Variants in TRPM3 observed in about 807,000 individuals in gnomAD.
TRPM3 encodes transient receptor potential cation channel subfamily M member 3, also known as long transient receptor potential channel 3.
In TRPM3, 77 loss-of-function variants were observed where a neutral mutation model predicts 181.2. That is an observed-to-expected ratio of 0.42 (90% CI 0.35 to 0.51). The LOEUF is 0.51. TRPM3 is among the 20% of genes least tolerant of loss of function. TRPM3 has a pLI of 0.01. For synonymous variants in TRPM3, 745 were observed against 796.4 expected, an observed-to-expected ratio of 0.94 and a Z score of 1.09; for missense variants, 1,759 against 2,196.7, an observed-to-expected ratio of 0.80 and a Z score of 3.98.
chr9:71,182,312 CACACA>C (rs1174284919), intron 1 of TRPM3, among the ~76,000 whole-genome samples: 2 of 152,094 alleles, frequency 1.3e-5, no homozygotes, highest in Non-Finnish European at 2.9e-5. Context: ...ACTAGAGATG[CACACA>C]ACTCCCTCTC....
chr9:70,867,592 G>A (rs1359078226), intron 1 of TRPM3, among the ~76,000 whole-genome samples: 1 of 151,946 alleles, frequency 6.6e-6, no homozygotes, highest in Admixed American at 6.6e-5. Context: ...CAGAAAATTG[G>A]GAGGAAAACA....
chr9:70,751,958 T>A (rs2076202092), intron 8 of TRPM3, among the ~76,000 whole-genome samples: 1 of 151,238 alleles, frequency 6.6e-6, no homozygotes, highest in African/African-American at 2.4e-5. Flanking sequence ...ATGAGGAGAA[T>A]GAATCTTTAA....
chr9:71,381,597 TACATGAACGTAA>T (rs1381323054), intron 1 of TRPM3, among the ~76,000 whole-genome samples: 1 of 152,180 alleles, frequency 6.6e-6, no homozygotes, highest in Non-Finnish European at 1.5e-5. Context: ...CATGAATGTT[TACATGAACGTAA>T]ACCTATGTAG....
intron 5 of TRPM3, among the ~76,000 whole-genome samples, chr9:70,838,364 T>C (rs936229749): frequency 6.6e-6 from 1 of 152,166 alleles, no homozygotes; most frequent in African/African-American, 2.4e-5. Context: ...GCCCTATGAA[T>C]GGGATTAGGG....
intron 1 of TRPM3, among the ~76,000 whole-genome samples, chr9:70,975,648 T>A (rs941933461): frequency 2.0e-5 from 3 of 152,134 alleles, no homozygotes; most frequent in Non-Finnish European, 4.4e-5. Flanking sequence ...CAGCTACAGC[T>A]CAAAGGTTAA....
At chr9:70,600,534 T>C (rs897294549) in intron 20 of TRPM3, among the ~76,000 whole-genome samples, 1 of 151,914 alleles carries the variant, frequency 6.6e-6, no homozygotes. Flanking sequence ...TAAACTTCAG[T>C]GCACATCAGA....
rs1315314205 is a variant in TRPM3 at position 70,846,598 on chromosome 9, G to A, written c.463-7C>T. The A allele has an allele frequency of 3.1e-6, 5 of 1,612,576 alleles. No individual in the cohort carries two copies. The highest frequency in any genetic ancestry group is 4.2e-6 in the Non-Finnish European group (5 of 1,178,720). On this transcript the variant is annotated splice_region_variant and splice_polypyrimidine_tract_variant and intron_variant, in intron 3 of 25. Transcript: ENST00000677713. ...CAAAAGATACTCGCACATACTGGAA[G>A]AAGAAAGGACATCAATTAGGGAGAC...
chr9:71,401,394 G>C (rs1396833764), intron 1 of TRPM3, among the ~76,000 whole-genome samples: 3 of 152,090 alleles, frequency 2.0e-5, no homozygotes, highest in Non-Finnish European at 4.4e-5. Context: ...CATCTGAGCA[G>C]ACTATTGGAG....
chr9:70,549,088 T>A (rs1035349175), intron 25 of TRPM3, among the ~76,000 whole-genome samples: 3 of 152,248 alleles, frequency 2.0e-5, no homozygotes, highest in Admixed American at 6.5e-5. Context: ...ACAATTCTGT[T>A]ACTGTCATTT....
intron 1 of TRPM3, among the ~76,000 whole-genome samples, chr9:71,136,621 C>T (rs559133997): frequency 6.6e-6 from 1 of 152,246 alleles, no homozygotes; most frequent in South Asian, 2.1e-4. Flanking sequence ...AGAACAGGGA[C>T]CAGGGAGCTG....
chr9:70,610,863 C>T, intron 18 of TRPM3, 114 bp from the exon 19 acceptor site: 1 of 1,295,050 alleles, frequency 7.7e-7, no homozygotes, highest in Non-Finnish European at 1.1e-6. Context: ...AACCCAAGGC[C>T]CCAGAGATTT....
At chr9:71,194,304 T>C (rs1004391475) in intron 1 of TRPM3, among the ~76,000 whole-genome samples, 26 of 152,076 alleles carry the variant, frequency 1.7e-4, no homozygotes, top group African/African-American at 4.3e-4. Flanking sequence ...GGAGGATTGA[T>C]TGTGACCAAG....
At chr9:71,372,756 C>G (rs1332378639) in intron 1 of TRPM3, among the ~76,000 whole-genome samples, 3 of 152,058 alleles carry the variant, frequency 2.0e-5, no homozygotes, top group Non-Finnish European at 2.9e-5. Context: ...TACCCCAATT[C>G]AAAGACACCA....
rs540064981 is a variant in TRPM3, at chr9:71,067,606, A to G, written c.177+53572T>C. 9.5e-4 allele frequency among the ~76,000 whole-genome samples: 144 copies of G among 152,330 alleles called. 1 individual carries two copies. Among genetic ancestry groups the G allele is most frequent in the African/African-American group, 3.2e-3 (135 of 41,570 alleles). On this transcript the variant is annotated intron_variant, in intron 1 of 25. Transcript: ENST00000677713. ...AATGACAATAACAAAATTTAACAAT[A>G]ATATCACTTACTTTCTGGGGAAATT...
At position 71,286,982 on chromosome 9, in the gene TRPM3, T is replaced by A. The variant is rs377455957; in HGVS notation, c.183+159671A>T. Among the ~76,000 whole-genome samples the A allele has an allele frequency of 9.3e-3, 943 of 100,876 alleles. 18 individuals carry two copies. Among genetic ancestry groups the A allele is most frequent in the African/African-American group, 0.035 (876 of 25,022 alleles). The allele number at this position is 100,876 out of a possible 152,430, so 66.2% of individuals were successfully genotyped here. A position where few individuals can be genotyped will look rare whatever the true frequency, so the allele number is the denominator to read the frequency against. ...TAAATTATATATAATATAATTATATTATATAATTATATTATATAATATACA... is the reference window on the plus strand; with the variant it reads ...TAAATTATATATAATATAATTATATAATATAATTATATTATATAATATACA... On this transcript the variant is annotated intron_variant, in intron 1 of 24. Coordinates refer to the TRPM3 transcript ENST00000357533.
chr9:70,990,848 C>T (rs2097476101), intron 1 of TRPM3, among the ~76,000 whole-genome samples: 1 of 152,184 alleles, frequency 6.6e-6, no homozygotes, highest in African/African-American at 2.4e-5. Context: ...GCACAACTGT[C>T]TCACTCCTGA....
At chr9:71,377,613 T>C (rs1379617937) in intron 1 of TRPM3, among the ~76,000 whole-genome samples, 2 of 152,058 alleles carry the variant, frequency 1.3e-5, no homozygotes, top group East Asian at 3.8e-4. Flanking sequence ...ATCTTTTTTA[T>C]GTAAAGTTTT....
chr9:71,215,461 T>G (rs903671488), intron 1 of TRPM3, among the ~76,000 whole-genome samples: 3 of 152,226 alleles, frequency 2.0e-5, no homozygotes, highest in Non-Finnish European at 1.5e-5. Context: ...AGTTTAATTT[T>G]AGGATCCATT....
intron 1 of TRPM3, among the ~76,000 whole-genome samples, chr9:71,255,539 A>T (rs2082619294): frequency 6.6e-6 from 1 of 152,174 alleles, no homozygotes; most frequent in African/African-American, 2.4e-5. Context: ...AGTATAAAAG[A>T]CATAATGCTA....
Sources: allele counts gnomAD v4.1 joint callset (sites outside exome capture counted in the v4.1 genomes callset), GRCh38; gene constraint gnomAD v4.1.1; transcripts MANE v1.5; gene names NCBI Gene and HGNC (gene_info 2026-07-23, HGNC 2026-07-21).